FTSJ3: variants seen among roughly 807,000 people sequenced by gnomAD.
FTSJ3 encodes pre-rRNA 2'-O-ribose RNA methyltransferase FTSJ3.
FTSJ3 carries 46 observed loss-of-function variants against 111.5 expected under a neutral mutation model. That is an observed-to-expected ratio of 0.41 (90% CI 0.33 to 0.53). The LOEUF (loss-of-function observed/expected upper bound fraction) is 0.53. Ranked by LOEUF, FTSJ3 falls within the 20% of genes least tolerant of loss-of-function variation. The probability of loss-of-function intolerance (pLI) is 0.19; values close to 1 mark genes in which losing one functional copy is unlikely to be tolerated. For missense variants in FTSJ3, 1,075 were observed against 1,063.8 expected (o/e 1.01, Z -0.15); for synonymous variants, 408 against 383.0 (o/e 1.07, Z -0.76).
chr17:63,827,099 A>T lies in FTSJ3; in HGVS notation c.-74T>A, dbSNP rs1315936286. 1 of 541,730 alleles carries T rather than the reference A, an allele frequency of 1.8e-6. No individual in the cohort carries two copies. Among genetic ancestry groups the T allele is most frequent in the African/African-American group, 5.2e-5 (1 of 19,082 alleles). The allele number at this position is 541,730 out of a possible 1,614,324, so 33.6% of individuals were successfully genotyped here. A position where few individuals can be genotyped will look rare whatever the true frequency, so the allele number is the denominator to read the frequency against. On this transcript the variant is annotated 5_prime_UTR_variant, in exon 1 of 21. Coordinates refer to ENST00000427159, the MANE Select transcript of FTSJ3 (RefSeq NM_017647.4). ...CACACTTGGAACCGCACAAGTATGC[A>T]GCTAACTACTTCCGCTTCCGCTTGC...
At chr17:63,824,486 C>T (rs2040079386) in intron 10 of FTSJ3, 75 bp from the exon 11 acceptor site, 1 of 1,541,484 alleles carries the variant, frequency 6.5e-7, no homozygotes, top group Non-Finnish European at 9.0e-7. Flanking sequence ...AGGCTCACTA[C>T]CCACCTTTCG....
intron 13 of FTSJ3, 108 bp from the exon 14 acceptor site, chr17:63,822,276 G>A (rs2040059171): frequency 2.2e-6 from 2 of 892,810 alleles, no homozygotes; most frequent in Non-Finnish European, 3.4e-6. Context: ...AAGAACACTG[G>A]CAAATCCATT....
chr17:63,819,459 A>C lies in FTSJ3; in HGVS notation c.*343T>G. 1 of 233,816 alleles carries C rather than the reference A, an allele frequency of 4.3e-6. No homozygotes were observed. The highest frequency in any genetic ancestry group is 8.4e-6 in the Non-Finnish European group (1 of 119,366). The allele number at this position is 233,816 out of a possible 1,614,324, so 14.5% of individuals were successfully genotyped here. A position where few individuals can be genotyped will look rare whatever the true frequency, so the allele number is the denominator to read the frequency against. On this transcript the variant is annotated 3_prime_UTR_variant, in exon 21 of 21. Transcript: ENST00000427159. ...TCCATTATCCTGGTTTTATTCAGGA[A>C]TAGGATGGGGGTGGGGAGGGCTTAA...
Position 63,820,242 on chromosome 17 carries a change from C to A in FTSJ3, c.2256+13G>T. 1 of 1,261,480 alleles carries A rather than the reference C, an allele frequency of 7.9e-7. No homozygotes were observed. The highest frequency in any genetic ancestry group is 1.1e-6 in the Non-Finnish European group (1 of 922,200). 78.1% of individuals were successfully genotyped at this position (1,261,480 alleles called of 1,614,324 possible). The stretch of plus-strand genomic sequence containing the variant: ...CCCCACCCCACCCAATCTCTGGAGG[C>A]CCCATCACTTACCCTCCTTTTCTTT... On this transcript the variant is annotated intron_variant, in intron 19 of 20. Transcript: ENST00000427159.
In FTSJ3 at chr17:63,825,634, G is replaced by A. The variant is rs766628176; in HGVS notation, c.302C>T (p.Ala101Val). The change falls in exon 6 of 21, where the codon GCC becomes GTC. Residue 101 changes from alanine (A) to valine (V), a missense_variant and splice_region_variant. Transcript: ENST00000427159. ...CCAGGTCTTCAGCTCCTTCCTCAGG[G>A]CCTAAAGAGAAGAAAAGGAACTATG... The part of the protein sequence containing the change: ...QDITTERCRQ[A>V]LRKELKTWKV... 1 of 1,613,080 alleles carries A rather than the reference G, an allele frequency of 6.2e-7. No homozygotes were observed.
Position 63,824,653 on chromosome 17 carries a change from C to T in FTSJ3, c.901G>A (p.Gly301Arg). The change falls in exon 10 of 21, where the codon GGG becomes AGG. Residue 301 changes from glycine to arginine, a missense_variant. Coordinates refer to ENST00000427159, the MANE Select transcript of FTSJ3 (RefSeq NM_017647.4). ...RVCCQDIRVL[G>R]RKELRSLLNW... Reference sequence around the variant, plus strand: ...ACTCCATACCTGAGCTCCTTGCGCCCCAACACTCTGATGTCCTGACAGCAC... The same window carrying T: ...ACTCCATACCTGAGCTCCTTGCGCCTCAACACTCTGATGTCCTGACAGCAC... The T allele has an allele frequency of 6.2e-7, 1 of 1,614,090 alleles. No homozygotes were observed. Among genetic ancestry groups the T allele is most frequent in the Non-Finnish European group, 8.5e-7 (1 of 1,179,926 alleles).
At chr17:63,824,970 A>C in intron 8 of FTSJ3, 41 bp from the exon 9 acceptor site, 1 of 1,571,584 alleles carries the variant, frequency 6.4e-7, no homozygotes, top group Non-Finnish European at 8.7e-7. Flanking sequence ...GGCCCTTCTA[A>C]GGTACCTGTA....
intron 1 of FTSJ3, 50 bp downstream of exon 1, chr17:63,826,995 CTTCCAGT>C: frequency 2.0e-6 from 2 of 985,888 alleles, no homozygotes; most frequent in Non-Finnish European, 1.6e-6. Context: ...CAGTTTCCCA[CTTCCAGT>C]TTCCCACTTC....
chr17:63,825,696 T>C, intron 5 of FTSJ3, 61 bp from the exon 6 acceptor site: 1 of 1,462,178 alleles, frequency 6.8e-7, no homozygotes, highest in Non-Finnish European at 9.5e-7. Context: ...GTTCAGCCAT[T>C]TGTCCATCTA....
At position 63,819,795 on chromosome 17, in the gene FTSJ3, G is replaced by C. The variant is rs1363406953; in HGVS notation, c.*7C>G. On this transcript the variant is annotated 3_prime_UTR_variant, in exon 21 of 21. Coordinates refer to ENST00000427159, the MANE Select transcript of FTSJ3 (RefSeq NM_017647.4). ...CCCATGCTCTCCTGGGAGCCTGGCAGCTCTGCTTACTTCCGTTTGTGTTTT... is the reference window on the plus strand; with the variant it reads ...CCCATGCTCTCCTGGGAGCCTGGCACCTCTGCTTACTTCCGTTTGTGTTTT... 3.1e-6 allele frequency: 5 copies of C among 1,608,176 alleles called. No homozygotes were observed. The highest frequency in any genetic ancestry group is 3.4e-6 in the Non-Finnish European group (4 of 1,176,506).
chr17:63,823,914 CGCT>C lies in FTSJ3; in HGVS notation c.1190_1192del (p.Gln397del), dbSNP rs2040073018. ...ATCCATCTTCAGCTCCACACGCTCC[CGCT>C]GCTTTCTCTGCTCACGCAACAGCTT... On this transcript the variant is annotated inframe_deletion, in exon 13 of 21. Coordinates refer to ENST00000427159, the MANE Select transcript of FTSJ3 (RefSeq NM_017647.4). The C allele has an allele frequency of 6.2e-7, 1 of 1,614,174 alleles. No individual in the cohort carries two copies.
chr17:63,827,345 C>A lies in FTSJ3; in HGVS notation c.-320G>T. Reference sequence around the variant, plus strand: ...GAACTCGAGTAGCCGCCCCTCCCATCATGGTTCCCTTAGTGTGGTCTCGCC... The same window carrying A: ...GAACTCGAGTAGCCGCCCCTCCCATAATGGTTCCCTTAGTGTGGTCTCGCC... On this transcript the variant is annotated 5_prime_UTR_variant, in exon 1 of 21. It removes an upstream start codon present in the reference 5' UTR. Coordinates refer to ENST00000427159, the MANE Select transcript of FTSJ3 (RefSeq NM_017647.4). 9.1e-7 allele frequency: 1 copy of A among 1,099,018 alleles called. No homozygotes were observed. The highest frequency in any genetic ancestry group is 1.3e-6 in the Non-Finnish European group (1 of 754,832). The allele number at this position is 1,099,018 out of a possible 1,614,324, so 68.1% of individuals were successfully genotyped here.
At position 63,819,946 on chromosome 17, in the gene FTSJ3, G is replaced by A. The variant is rs766270101; in HGVS notation, c.2400C>T (p.Tyr800=). ...GLGKEKRHVT[Y]VVAKKGVGRK... The stretch of plus-strand genomic sequence containing the variant: ...GGCCCACACCTTTTTTGGCTACAAC[G>A]TAGGTGACATGGCGTTTCTCCTTGC... Residue 800 remains tyrosine (Y), a synonymous_variant, in exon 21 of 21, where the codon TAC becomes TAT. Coordinates refer to ENST00000427159, the MANE Select transcript of FTSJ3 (RefSeq NM_017647.4). The A allele has an allele frequency of 2.5e-6, 4 of 1,614,170 alleles. No individual in the cohort carries two copies. Among genetic ancestry groups the A allele is most frequent in the East Asian group, 2.2e-5 (1 of 44,878 alleles).
chr17:63,825,405 A>G lies in FTSJ3; in HGVS notation c.432T>C (p.Ala144=), dbSNP rs778650200. ...TGCCACCACGGGCCAAAAAGTCACAAGCCAAACGTAGAGCCATCAGTGTCA... is the reference window on the plus strand; with the variant it reads ...TGCCACCACGGGCCAAAAAGTCACAGGCCAAACGTAGAGCCATCAGTGTCA... The part of the protein sequence containing the change: ...AHLTLMALRL[A]CDFLARGGSF... The change falls in exon 7 of 21, where the codon GCT becomes GCC. Residue 144 remains alanine, a synonymous_variant. Coordinates refer to ENST00000427159, the MANE Select transcript of FTSJ3 (RefSeq NM_017647.4). 1.3e-5 allele frequency: 21 copies of G among 1,614,226 alleles called. No individual in the cohort carries two copies. The highest frequency in any genetic ancestry group is 1.4e-5 in the Non-Finnish European group (17 of 1,180,046).
Position 63,827,178 on chromosome 17 carries a change from T to G in FTSJ3, c.-153A>C. The G allele has an allele frequency of 1.7e-6, 1 of 605,756 alleles. No individual in the cohort carries two copies. Among genetic ancestry groups the G allele is most frequent in the Non-Finnish European group, 2.9e-6 (1 of 342,154 alleles). 37.5% of individuals were successfully genotyped at this position (605,756 alleles called of 1,614,324 possible). The stretch of plus-strand genomic sequence containing the variant: ...CCGCCATTTTGAGTGTGGCCCTAGA[T>G]TGTTCTCAATACTCTGTCCTTGGGT... On this transcript the variant is annotated 5_prime_UTR_variant, in exon 1 of 21. Coordinates refer to ENST00000427159, the MANE Select transcript of FTSJ3 (RefSeq NM_017647.4).
rs747894166 is a variant in FTSJ3, at chr17:63,824,728, C to T, written c.826G>A (p.Asp276Asn). Residue 276 changes from aspartate to asparagine, a missense_variant, in exon 10 of 21, where the codon GAT becomes AAT. Physicochemically the swap from Asp to Asn is conservative, Grantham distance 23. Coordinates refer to ENST00000427159, the MANE Select transcript of FTSJ3 (RefSeq NM_017647.4). The stretch of plus-strand genomic sequence containing the variant: ...GGATGCTGTGCCAACTCTTCATCAT[C>T]TACCATGATCTGTTTGGGAGGATGG... ...FLSKASEIMV[D>N]DEELAQHPAT... 4 of 1,613,720 alleles carry T rather than the reference C, an allele frequency of 2.5e-6. No homozygotes were observed. In the East Asian group the frequency reaches 6.7e-5, roughly 27 times the overall value.
chr17:63,826,775 G>A (rs370571556), intron 2 of FTSJ3, 61 bp downstream of exon 2: 1 of 1,584,164 alleles, frequency 6.3e-7, no homozygotes, highest in Admixed American at 1.7e-5. Context: ...TGGTCGCAAA[G>A]AGCAGGCGAA....
Position 63,820,120 on chromosome 17 carries a change from T to A in FTSJ3, c.2310A>T (p.Thr770=). Residue 770 remains threonine (T), a synonymous_variant, in exon 20 of 21, where the codon ACA becomes ACT. Coordinates refer to ENST00000427159, the MANE Select transcript of FTSJ3 (RefSeq NM_017647.4). The part of the protein sequence containing the change: ...TRKKAEAVVN[T]VDISEREKVA... ...CTTTCTCTCGTTCTGAGATGTCCAC[T>A]GTGTTCACCACGGCTTCTGCCTTCT... The A allele has an allele frequency of 6.2e-7, 1 of 1,614,188 alleles. No homozygotes were observed.
intron 17 of FTSJ3, 29 bp from the exon 18 acceptor site, chr17:63,820,967 T>A: frequency 6.2e-7 from 1 of 1,610,976 alleles, no homozygotes; most frequent in Non-Finnish European, 8.5e-7. Flanking sequence ...AGGTCAAAGC[T>A]CAATTCCCAA....
Sources: gnomAD v4.1 joint callset for allele counts on GRCh38, gnomAD v4.1.1 for gene constraint, MANE v1.5 for transcripts, NCBI Gene and HGNC (gene_info 2026-07-23, HGNC 2026-07-21) for gene names.